MAPK4: variants seen among roughly 807,000 people sequenced by gnomAD.
The protein encoded by MAPK4 is Erk3-related.
MAPK4 carries 22 observed loss-of-function variants against 47.7 expected under a neutral mutation model. The ratio of observed to expected loss-of-function variants is 0.46; its 90% CI spans 0.33 to 0.66. The LOEUF is 0.66. Ranked by LOEUF, MAPK4 falls within the 30% of genes least tolerant of loss-of-function variation. The pLI, the probability that MAPK4 is intolerant of heterozygous loss-of-function variation, is 0.02. For missense variants in MAPK4, 736 were observed against 831.7 expected (o/e 0.88, Z 1.42); for synonymous variants, 390 against 365.7 (o/e 1.07, Z -0.76).
chr18:50,712,242 C>T (rs573457746), intron 2 of MAPK4, among the ~76,000 whole-genome samples: 2 of 152,244 alleles, frequency 1.3e-5, no homozygotes, highest in South Asian at 4.2e-4. Context: ...GCTTGGGCAA[C>T]ATGACGAAAC....
chr18:50,725,285 A>C (rs1911131585), intron 4 of MAPK4, among the ~76,000 whole-genome samples: 1 of 152,176 alleles, frequency 6.6e-6, no homozygotes. Context: ...CAGGGGCAGC[A>C]TATGGTAGGA....
chr18:50,729,977 GATC>G lies in MAPK4; in HGVS notation c.*124_*126del, dbSNP rs1911469961. On this transcript the variant is annotated 3_prime_UTR_variant, in exon 6 of 6. Coordinates refer to ENST00000400384, the MANE Select transcript of MAPK4 (RefSeq NM_002747.4). The stretch of plus-strand genomic sequence containing the variant: ...CTTGGGGTTGGCAGAACACGTGAAG[GATC>G]CGAGGAGCGAGAGGAATGTCCATTT... The G allele has an allele frequency of 1.0e-6, 1 of 982,970 alleles. No homozygotes were observed. The highest frequency in any genetic ancestry group is 3.0e-5 in the Admixed American group (1 of 33,696). 60.9% of individuals were successfully genotyped at this position (982,970 alleles called of 1,614,324 possible).
chr18:50,668,910 G>A (rs767793717), intron 2 of MAPK4, among the ~76,000 whole-genome samples: 3 of 152,192 alleles, frequency 2.0e-5, no homozygotes, highest in Non-Finnish European at 4.4e-5. Flanking sequence ...CTGCCAAATC[G>A]GGAGAGTCAG....
intron 2 of MAPK4, among the ~76,000 whole-genome samples, 199 bp from the exon 3 acceptor site, chr18:50,714,880 T>A (rs139675375): frequency 1.3e-5 from 2 of 152,216 alleles, no homozygotes; most frequent in Non-Finnish European, 2.9e-5. Context: ...CACCAAAGCA[T>A]TTCAACCCCA....
intron 1 of MAPK4, among the ~76,000 whole-genome samples, chr18:50,645,095 G>A (rs1035000298): frequency 2.0e-5 from 3 of 152,206 alleles, no homozygotes; most frequent in African/African-American, 4.8e-5. Flanking sequence ...AGAGTGGCAG[G>A]GAGAACTGGT....
chr18:50,621,724 T>C (rs2042733307), intron 1 of MAPK4, among the ~76,000 whole-genome samples: 1 of 152,222 alleles, frequency 6.6e-6, no homozygotes. Context: ...GCAAAACTTT[T>C]TTCCAGAAAT....
At chr18:50,576,062 C>T (rs1598788390) in intron 1 of MAPK4, among the ~76,000 whole-genome samples, 1 of 152,134 alleles carries the variant, frequency 6.6e-6, no homozygotes, top group Non-Finnish European at 1.5e-5. Flanking sequence ...ATTAGTTCAG[C>T]CATTGTGGGA....
At chr18:50,631,243 G>C (rs2042826761) in intron 1 of MAPK4, among the ~76,000 whole-genome samples, 1 of 152,078 alleles carries the variant, frequency 6.6e-6, no homozygotes, top group African/African-American at 2.4e-5. Flanking sequence ...TTCTGAAATG[G>C]CTCCTTAAGC....
chr18:50,645,342 G>GATAA (rs2042979224), intron 1 of MAPK4, among the ~76,000 whole-genome samples: 1 of 152,186 alleles, frequency 6.6e-6, no homozygotes, highest in Non-Finnish European at 1.5e-5. Flanking sequence ...TTAAAGATAA[G>GATAA]AGGTGAACGC....
chr18:50,605,549 T>G (rs1172076129), intron 1 of MAPK4, among the ~76,000 whole-genome samples: 1 of 152,230 alleles, frequency 6.6e-6, no homozygotes, highest in Non-Finnish European at 1.5e-5. Flanking sequence ...GCCAGCGTGT[T>G]TGTCCTCAAA....
At chr18:50,579,125 G>A (rs1025247049) in intron 1 of MAPK4, among the ~76,000 whole-genome samples, 2 of 152,204 alleles carry the variant, frequency 1.3e-5, no homozygotes. Flanking sequence ...TTTGAGGGGT[G>A]TAAGCAGGAG....
intron 3 of MAPK4, among the ~76,000 whole-genome samples, chr18:50,715,534 A>G (rs901938644): frequency 6.6e-6 from 1 of 152,124 alleles, no homozygotes; most frequent in Non-Finnish European, 1.5e-5. Flanking sequence ...TGCTATTAGG[A>G]GGTGGAGCCT....
intron 1 of MAPK4, among the ~76,000 whole-genome samples, chr18:50,595,485 C>T (rs575992850): frequency 2.6e-5 from 4 of 152,188 alleles, no homozygotes; most frequent in African/African-American, 4.8e-5. Context: ...CAAGAACAAA[C>T]GAAACTAATA....
chr18:50,630,617 C>A (rs1322792387), intron 1 of MAPK4, among the ~76,000 whole-genome samples: 1 of 152,204 alleles, frequency 6.6e-6, no homozygotes, highest in Non-Finnish European at 1.5e-5. Flanking sequence ...CGGACACATC[C>A]TTCAAGGTCC....
chr18:50,571,840 A>G (rs1029441222), intron 1 of MAPK4, among the ~76,000 whole-genome samples: 7 of 152,218 alleles, frequency 4.6e-5, no homozygotes, highest in Non-Finnish European at 1.0e-4. Flanking sequence ...AGAGACCATG[A>G]CATCACCTTC....
At position 50,641,738 on chromosome 18, in the gene MAPK4, A is replaced by G. The variant is rs184558712; in HGVS notation, c.-870-21351A>G. The stretch of plus-strand genomic sequence containing the variant: ...TCTCAATAAAATGCTAGTAAACAAC[A>G]TTTAGAAATAAACTAGATAATTATT... On this transcript the variant is annotated intron_variant, in intron 1 of 5. Coordinates refer to ENST00000400384, the MANE Select transcript of MAPK4 (RefSeq NM_002747.4). Among the ~76,000 whole-genome samples the G allele has an allele frequency of 9.4e-3, 1,437 of 152,360 alleles. 16 individuals are homozygous for G. Among genetic ancestry groups the G allele is most frequent in the Non-Finnish European group, 0.015 (1,008 of 68,020 alleles).
At chr18:50,616,598 CA>C (rs777725726) in intron 1 of MAPK4, among the ~76,000 whole-genome samples, 30 of 152,174 alleles carry the variant, frequency 2.0e-4, no homozygotes, top group Non-Finnish European at 3.5e-4. Flanking sequence ...GTCCCAGTCC[CA>C]AAACCTCAGA....
At chr18:50,579,618 A>G (rs1366002151) in intron 1 of MAPK4, among the ~76,000 whole-genome samples, 1 of 152,146 alleles carries the variant, frequency 6.6e-6, no homozygotes, top group Non-Finnish European at 1.5e-5. Flanking sequence ...GCCCTGAGTC[A>G]TAGCCCAGCC....
chr18:50,715,351 T>C, intron 3 of MAPK4, 128 bp downstream of exon 3: 1 of 1,151,134 alleles, frequency 8.7e-7, no homozygotes, highest in South Asian at 1.6e-5. Flanking sequence ...GTGGCTTTTA[T>C]GACACTATTT....
Sources: allele counts gnomAD v4.1 joint callset (sites outside exome capture counted in the v4.1 genomes callset), GRCh38; gene constraint gnomAD v4.1.1; transcripts MANE v1.5; gene names NCBI Gene and HGNC (gene_info 2026-07-23, HGNC 2026-07-21).